Variants in PHTF1 observed in about 807,000 individuals in gnomAD.
PHTF1 encodes the protein putative homeodomain transcription factor 1, also known as protein PHTF1.
Under a neutral mutation model 102.4 loss-of-function variants are expected in PHTF1, and 88 were observed. The observed-to-expected ratio is 0.86, with a 90% CI of 0.72 to 1.03. PHTF1 has a LOEUF of 1.03. Among genes scored for constraint, PHTF1 ranks in the 50% least tolerant of loss-of-function variants. PHTF1 has a pLI of 0.00. For missense variants in PHTF1, 814 were observed against 909.5 expected (o/e 0.89, Z 1.35); for synonymous variants, 289 against 305.2 (o/e 0.95, Z 0.55).
At position 113,759,099 on chromosome 1, in the gene PHTF1, G is replaced by C; in HGVS notation, c.-107C>G. 1 of 990,458 alleles carries C rather than the reference G, an allele frequency of 1.0e-6. No individual in the cohort carries two copies. Among genetic ancestry groups the C allele is most frequent in the Non-Finnish European group, 1.2e-6 (1 of 833,424 alleles). The allele number at this position is 990,458 out of a possible 1,614,324, so 61.4% of individuals were successfully genotyped here. On this transcript the variant is annotated 5_prime_UTR_variant, in exon 1 of 19. Transcript: ENST00000369604. The stretch of plus-strand genomic sequence containing the variant: ...CCGGGGTCCCACCGTGAGGCCGGGG[G>C]CGAGGCGGCGGGCCAGGCAGGCCGC...
intron 5 of PHTF1, among the ~76,000 whole-genome samples, chr1:113,736,462 C>G (rs1446813939): frequency 6.7e-6 from 1 of 149,390 alleles, no homozygotes; most frequent in Admixed American, 6.7e-5. Flanking sequence ...ATGCTTTAAA[C>G]AGCCGGGCAC....
intron 3 of PHTF1, among the ~76,000 whole-genome samples, chr1:113,745,705 T>A (rs1430057808): frequency 6.6e-6 from 1 of 152,162 alleles, no homozygotes; most frequent in Non-Finnish European, 1.5e-5. Context: ...CACTGTGACC[T>A]GCACATTCGA....
chr1:113,710,645 T>C (rs193252705), intron 10 of PHTF1, among the ~76,000 whole-genome samples, 170 bp from the exon 11 acceptor site: 3 of 152,018 alleles, frequency 2.0e-5, no homozygotes, highest in Non-Finnish European at 4.4e-5. Context: ...CTTTTTTATT[T>C]TTTGATACAG....
chr1:113,700,944 G>A lies in PHTF1; in HGVS notation c.1896C>T (p.Leu632=), dbSNP rs1201925273. 3 of 1,606,640 alleles carry A rather than the reference G, an allele frequency of 1.9e-6. No homozygotes were observed. The South Asian group carries it at 3.3e-5, about 18-fold the overall frequency. ...SIAFICCAQV[L]QGHKTFLNDA... is the part of the protein sequence containing the mutation. ...CATTCAGGAAAGTTTTATGTCCTTG[G>A]AGAACCTATACAAAGGATCAAAAAA... The change falls in exon 16 of 19, where the codon CTC becomes CTT. Residue 632 remains leucine, a synonymous_variant. Coordinates refer to ENST00000369604, the MANE Select transcript of PHTF1 (RefSeq NM_001323043.2).
chr1:113,713,240 G>A, intron 8 of PHTF1, 39 bp downstream of exon 8: 17 of 1,566,232 alleles, frequency 1.1e-5, no homozygotes, highest in Non-Finnish European at 8.8e-6. Flanking sequence ...AATGTTACAT[G>A]GGGAAAAAAA....
chr1:113,724,781 A>C lies in PHTF1; in HGVS notation c.601T>G (p.Trp201Gly), dbSNP rs1407013985. 5 of 1,599,304 alleles carry C rather than the reference A, an allele frequency of 3.1e-6. No homozygotes were observed. Among genetic ancestry groups the C allele is most frequent in the Non-Finnish European group, 1.7e-6 (2 of 1,174,708 alleles). The change falls in exon 7 of 19, where the codon TGG becomes GGG. Residue 201 changes from tryptophan (W) to glycine (G), a missense_variant. Trp to Gly is a radical substitution (Grantham distance 184). Coordinates refer to ENST00000369604, the MANE Select transcript of PHTF1 (RefSeq NM_001323043.2). ...LESVPIIGGFWETIFGNRIKR... is the reference protein window; with the variant it reads ...LESVPIIGGFGETIFGNRIKR... ...CACCTGTTGCCAAAGATAGTCTCCC[A>C]AAAACCACCAATAATGGGTACAGAT... is the stretch of plus-strand genomic sequence containing the variant.
chr1:113,710,997 G>A (rs1284516137), intron 10 of PHTF1, among the ~76,000 whole-genome samples: 1 of 151,842 alleles, frequency 6.6e-6, no homozygotes, highest in Non-Finnish European at 1.5e-5. Context: ...CTAGCAAGCA[G>A]TACTCCCTCT....
intron 7 of PHTF1, among the ~76,000 whole-genome samples, chr1:113,720,492 T>A (rs866434903): frequency 6.6e-6 from 1 of 152,180 alleles, no homozygotes; most frequent in Non-Finnish European, 1.5e-5. Flanking sequence ...AGAATACACA[T>A]TTTTCTCCTC....
At position 113,699,765 on chromosome 1, in the gene PHTF1, T is replaced by A; in HGVS notation, c.2081A>T (p.Asn694Ile). 1 of 1,430,056 alleles carries A rather than the reference T, an allele frequency of 7.0e-7. No individual in the cohort carries two copies. Among genetic ancestry groups the A allele is most frequent in the Admixed American group, 1.9e-5 (1 of 53,072 alleles). 88.6% of individuals were successfully genotyped at this position (1,430,056 alleles called of 1,614,324 possible). ...NLYLKMEKKP[N>I]KKEQLTLVNN... ...TACTAGAGTAAGCTGTTCTTTCTTA[T>A]TTGGCTTTTTTTCCATCTTAAGATA... is the stretch of plus-strand genomic sequence containing the variant. The change falls in exon 17 of 19, where the codon AAT becomes ATT. Residue 694 changes from asparagine to isoleucine, a missense_variant. Coordinates refer to ENST00000369604, the MANE Select transcript of PHTF1 (RefSeq NM_001323043.2).
intron 15 of PHTF1, among the ~76,000 whole-genome samples, chr1:113,701,862 A>C (rs1649491669): frequency 7.2e-6 from 1 of 138,678 alleles, no homozygotes; most frequent in Admixed American, 7.2e-5. Context: ...AAAAAAAATC[A>C]TTCAGAAGTG....
intron 5 of PHTF1, 52 bp downstream of exon 5, chr1:113,738,058 G>T: frequency 1.5e-6 from 2 of 1,300,254 alleles, no homozygotes; most frequent in Non-Finnish European, 2.2e-6. Flanking sequence ...TTATTTAATA[G>T]CAAAAGCAGC....
intron 3 of PHTF1, among the ~76,000 whole-genome samples, chr1:113,742,327 T>A (rs1478951331): frequency 1.3e-5 from 2 of 152,048 alleles, no homozygotes; most frequent in African/African-American, 4.8e-5. Context: ...AGTAAAAATA[T>A]GGTATAAAAA....
intron 3 of PHTF1, among the ~76,000 whole-genome samples, chr1:113,752,127 C>A (rs1490514399): frequency 6.6e-6 from 1 of 152,152 alleles, no homozygotes; most frequent in African/African-American, 2.4e-5. Context: ...AATATTGAAT[C>A]TTCCAGATCA....
chr1:113,745,674 T>C (rs567144013), intron 3 of PHTF1, among the ~76,000 whole-genome samples: 2 of 152,126 alleles, frequency 1.3e-5, no homozygotes, highest in African/African-American at 4.8e-5. Context: ...CGGCATTAGA[T>C]TCTCACAGGA....
intron 8 of PHTF1, among the ~76,000 whole-genome samples, chr1:113,712,782 A>T (rs1390578643): frequency 2.3e-5 from 3 of 131,834 alleles, no homozygotes; most frequent in African/African-American, 9.1e-5. Flanking sequence ...ATAACTCACA[A>T]AATTTTTTTT....
chr1:113,742,434 G>A (rs1656524217), intron 3 of PHTF1, among the ~76,000 whole-genome samples: 1 of 152,084 alleles, frequency 6.6e-6, no homozygotes, highest in South Asian at 2.1e-4. Context: ...GACCACCCTG[G>A]CCAACATGGT....
At chr1:113,757,348 T>C (rs1376636129) in intron 3 of PHTF1, among the ~76,000 whole-genome samples, 1 of 152,212 alleles carries the variant, frequency 6.6e-6, no homozygotes, top group Non-Finnish European at 1.5e-5. Flanking sequence ...ATATATTTCA[T>C]ATAAAAATGT....
At chr1:113,758,270 A>G (rs75746385) in intron 2 of PHTF1, among the ~76,000 whole-genome samples, 16,925 of 150,140 alleles carry the variant, frequency 0.11, 1,100 homozygotes, top group East Asian at 0.23. Context: ...CTTCTTAAGG[A>G]AAAGAGCACT....
At chr1:113,701,054 T>A (rs539898979) in intron 15 of PHTF1, 105 bp from the exon 16 acceptor site, 1 of 815,652 alleles carries the variant, frequency 1.2e-6, no homozygotes. Context: ...ATCCAATATT[T>A]TAATACTGAA....
Sources: allele counts gnomAD v4.1 joint callset (sites outside exome capture counted in the v4.1 genomes callset), GRCh38; gene constraint gnomAD v4.1.1; transcripts MANE v1.5; gene names NCBI Gene and HGNC (gene_info 2026-07-23, HGNC 2026-07-21).